Variants in CNGA3 observed in about 807,000 individuals in gnomAD.
The protein encoded by CNGA3 is cyclic nucleotide gated channel subunit alpha 3.
CNGA3 carries 42 observed loss-of-function variants against 46.6 expected under a neutral mutation model. The observed-to-expected ratio is 0.90, with a 90% CI of 0.70 to 1.17. The LOEUF (loss-of-function observed/expected upper bound fraction) is 1.17, where lower values mean the gene tolerates loss of function less well. Ranked by LOEUF, CNGA3 falls within the 50% of genes most tolerant of loss-of-function variation. The probability of loss-of-function intolerance (pLI) is 0.00; values close to 1 mark genes in which losing one functional copy is unlikely to be tolerated. For synonymous variants in CNGA3, 394 were observed against 369.4 expected (o/e 1.07, Z -0.76); for missense variants, 893 against 890.7 (o/e 1.00, Z -0.03).
chr2:98,359,510 C>T (rs1201769543), intron 1 of CNGA3, among the ~76,000 whole-genome samples: 1 of 152,154 alleles, frequency 6.6e-6, no homozygotes, highest in African/African-American at 2.4e-5. Flanking sequence ...TCAAATGTGC[C>T]CACCCTCCTA....
At chr2:98,358,125 G>T (rs775926742) in intron 1 of CNGA3, among the ~76,000 whole-genome samples, 1 of 152,184 alleles carries the variant, frequency 6.6e-6, no homozygotes, top group Admixed American at 6.5e-5. Context: ...TTATCTCATT[G>T]GTGAGTTCTA....
intron 1 of CNGA3, among the ~76,000 whole-genome samples, chr2:98,347,723 C>T (rs558104787): frequency 1.3e-5 from 2 of 152,312 alleles, no homozygotes; most frequent in African/African-American, 4.8e-5. Flanking sequence ...CGACGGCAGA[C>T]GCTCCCCATC....
chr2:98,353,118 G>A (rs981501111), intron 1 of CNGA3, among the ~76,000 whole-genome samples: 23 of 152,116 alleles, frequency 1.5e-4, no homozygotes, highest in African/African-American at 5.3e-4. Context: ...AAGAAAAAAT[G>A]GGGTTTTTCC....
At chr2:98,382,482 G>A (rs1273157977) in intron 4 of CNGA3, among the ~76,000 whole-genome samples, 2 of 152,218 alleles carry the variant, frequency 1.3e-5, no homozygotes, top group African/African-American at 2.4e-5. Flanking sequence ...AGGATGAGCT[G>A]AAGTCATCAT....
At chr2:98,357,151 C>T (rs1691901080) in intron 1 of CNGA3, among the ~76,000 whole-genome samples, 1 of 152,148 alleles carries the variant, frequency 6.6e-6, no homozygotes, top group African/African-American at 2.4e-5. Flanking sequence ...GCAGTTCTTG[C>T]CTTTAAGGCT....
chr2:98,360,619 A>G (rs551714044), intron 1 of CNGA3, among the ~76,000 whole-genome samples: 1 of 152,344 alleles, frequency 6.6e-6, no homozygotes, highest in South Asian at 2.1e-4. Context: ...TTGAATGGAC[A>G]ATTTTGAATT....
chr2:98,385,050 G>A (rs1371611239), intron 5 of CNGA3, among the ~76,000 whole-genome samples: 2 of 152,184 alleles, frequency 1.3e-5, no homozygotes, highest in Non-Finnish European at 2.9e-5. Flanking sequence ...GCAGCATTTT[G>A]CAGTTCTGTG....
intron 1 of CNGA3, among the ~76,000 whole-genome samples, chr2:98,347,392 G>T (rs1200435179): frequency 1.3e-5 from 2 of 152,156 alleles, no homozygotes; most frequent in Non-Finnish European, 2.9e-5. Flanking sequence ...AGCTCAGCCC[G>T]CGGCCCCTCC....
At chr2:98,389,355 C>T (rs898265222) in intron 5 of CNGA3, among the ~76,000 whole-genome samples, 1 of 152,206 alleles carries the variant, frequency 6.6e-6, no homozygotes, top group South Asian at 2.1e-4. Context: ...CGTTTTCATT[C>T]TCAGCATCCT....
chr2:98,389,299 G>A (rs937190075), intron 5 of CNGA3, among the ~76,000 whole-genome samples: 16 of 152,218 alleles, frequency 1.1e-4, no homozygotes, highest in South Asian at 6.2e-4. Context: ...AGAATTTTCT[G>A]GAAGTTCCCC....
At chr2:98,372,159 C>A (rs1383396342) in intron 2 of CNGA3, among the ~76,000 whole-genome samples, 6 of 152,232 alleles carry the variant, frequency 3.9e-5, no homozygotes, top group Non-Finnish European at 8.8e-5. Flanking sequence ...CTCCTGCCCA[C>A]AATGTCTGCC....
At chr2:98,354,451 G>A (rs931489717) in intron 1 of CNGA3, among the ~76,000 whole-genome samples, 1 of 144,086 alleles carries the variant, frequency 6.9e-6, no homozygotes, top group African/African-American at 2.5e-5. Flanking sequence ...TGAGTTATTT[G>A]ACTTTTGTTA....
At chr2:98,372,439 ACTGAC>A (rs891764403) in intron 2 of CNGA3, among the ~76,000 whole-genome samples, 5 of 152,170 alleles carry the variant, frequency 3.3e-5, no homozygotes, top group South Asian at 4.1e-4. Flanking sequence ...GGGGCTCTGA[ACTGAC>A]GTCTTGAGAT....
chr2:98,366,218 T>A (rs542899379), intron 1 of CNGA3, among the ~76,000 whole-genome samples: 7 of 151,976 alleles, frequency 4.6e-5, no homozygotes, highest in Non-Finnish European at 1.0e-4. Flanking sequence ...CTCCTGCCCC[T>A]GGAGGTGTTA....
At chr2:98,349,414 G>T (rs1385242652) in intron 1 of CNGA3, among the ~76,000 whole-genome samples, 2 of 152,190 alleles carry the variant, frequency 1.3e-5, no homozygotes, top group South Asian at 2.1e-4. Flanking sequence ...GAGAAAATAG[G>T]CACCTCTAAA....
intron 7 of CNGA3, among the ~76,000 whole-genome samples, chr2:98,395,407 T>A (rs975776479): frequency 6.6e-6 from 1 of 152,172 alleles, no homozygotes; most frequent in African/African-American, 2.4e-5. Flanking sequence ...TGACCTCAGG[T>A]GATCCACCCG....
At chr2:98,362,479 C>T (rs1470038887) in intron 1 of CNGA3, among the ~76,000 whole-genome samples, 2 of 151,760 alleles carry the variant, frequency 1.3e-5, no homozygotes, top group African/African-American at 2.4e-5. Flanking sequence ...CTACACCCGG[C>T]CTGCCCACTT....
At chr2:98,354,992 C>CT (rs1691847119) in intron 1 of CNGA3, among the ~76,000 whole-genome samples, 1 of 152,122 alleles carries the variant, frequency 6.6e-6, no homozygotes. Flanking sequence ...CCTTATACTC[C>CT]TAGTTTTTAA....
chr2:98,375,379 C>A (rs1042643057), intron 2 of CNGA3, among the ~76,000 whole-genome samples: 1 of 152,226 alleles, frequency 6.6e-6, no homozygotes, highest in Non-Finnish European at 1.5e-5. Flanking sequence ...TCCAGGCACA[C>A]AGGCTGTGAC....
Sources: allele counts gnomAD v4.1 joint callset (sites outside exome capture counted in the v4.1 genomes callset), GRCh38; gene constraint gnomAD v4.1.1; transcripts MANE v1.5; gene names NCBI Gene and HGNC (gene_info 2026-07-23, HGNC 2026-07-21).